The following KLHL1 variants were observed in gnomAD, a reference collection of about 807,000 sequenced individuals.
The protein encoded by KLHL1 is kelch like family member 1, also known as kelch-like protein 1.
Under a neutral mutation model 77.7 loss-of-function variants are expected in KLHL1, and 47 were observed. That is an observed-to-expected ratio of 0.60 (90% CI 0.48 to 0.77). KLHL1 has a LOEUF of 0.77. KLHL1 is among the 30% of genes least tolerant of loss of function. The pLI is 0.00. For missense variants in KLHL1, 925 were observed against 910.8 expected (o/e 1.02, Z -0.20); for synonymous variants, 360 against 325.2 (o/e 1.11, Z -1.15).
At chr13:69,897,252 T>C (rs933180385) in intron 4 of KLHL1, among the ~76,000 whole-genome samples, 7 of 152,144 alleles carry the variant, frequency 4.6e-5, no homozygotes, top group South Asian at 2.1e-4. Flanking sequence ...AAATTAGAAG[T>C]CTGACAAAAG....
intron 3 of KLHL1, among the ~76,000 whole-genome samples, chr13:69,952,848 A>T (rs1883753879): frequency 6.6e-6 from 1 of 151,380 alleles, no homozygotes; most frequent in African/African-American, 2.4e-5. Context: ...GGGTGAAATG[A>T]CAGGGTTGTT....
chr13:69,837,614 C>CTATATA (rs1555272466), intron 6 of KLHL1, among the ~76,000 whole-genome samples: 47 of 136,518 alleles, frequency 3.4e-4, no homozygotes, highest in African/African-American at 1.4e-3. Context: ...ATCTCTCTCT[C>CTATATA]TATATATATG....
At chr13:69,866,663 G>A (rs552229335) in intron 5 of KLHL1, among the ~76,000 whole-genome samples, 1 of 152,244 alleles carries the variant, frequency 6.6e-6, no homozygotes, top group South Asian at 2.1e-4. Flanking sequence ...ATTTCAAAAT[G>A]AGGATGTGGA....
At chr13:69,847,285 C>A (rs2113361) in intron 5 of KLHL1, among the ~76,000 whole-genome samples, 141,558 of 151,416 alleles carry the variant, frequency 0.93, 66,388 homozygotes, top group East Asian at 0.99. Context: ...AGACAACCTT[C>A]TAAAATATCA....
chr13:69,901,368 T>C lies in KLHL1; in HGVS notation c.1015-18873A>G, dbSNP rs1441749381. 2.6e-5 allele frequency among the ~76,000 whole-genome samples: 4 copies of C among 152,204 alleles called. No homozygotes were observed. In the East Asian group the frequency reaches 7.7e-4, roughly 29 times the overall value. On this transcript the variant is annotated intron_variant, in intron 4 of 10. Coordinates refer to ENST00000377844, the MANE Select transcript of KLHL1 (RefSeq NM_020866.3). Reference sequence around the variant, plus strand: ...CACTTAACTTTGTTTGTTGTGATAGTACTAAGGACTAGAGTAGGTAAATTA... The same window carrying C: ...CACTTAACTTTGTTTGTTGTGATAGCACTAAGGACTAGAGTAGGTAAATTA...
chr13:69,967,946 T>C (rs1241711709), intron 2 of KLHL1, among the ~76,000 whole-genome samples: 2 of 151,536 alleles, frequency 1.3e-5, no homozygotes, highest in Non-Finnish European at 2.9e-5. Flanking sequence ...AGAGCAGCAG[T>C]AGGGTTGAAG....
intron 5 of KLHL1, among the ~76,000 whole-genome samples, chr13:69,857,015 C>T (rs1308464671): frequency 1.3e-5 from 2 of 151,966 alleles, no homozygotes; most frequent in Non-Finnish European, 2.9e-5. Flanking sequence ...CTGAATAATA[C>T]CTTTAATGGC....
intron 7 of KLHL1, among the ~76,000 whole-genome samples, chr13:69,762,632 C>A (rs1411273440): frequency 3.3e-5 from 5 of 149,310 alleles, no homozygotes; most frequent in Non-Finnish European, 7.4e-5. Flanking sequence ...AACTGTGCAC[C>A]CATTGAAGAC....
At chr13:69,709,109 A>G (rs537304924) in intron 9 of KLHL1, among the ~76,000 whole-genome samples, 2 of 152,082 alleles carry the variant, frequency 1.3e-5, no homozygotes, top group East Asian at 3.9e-4. Flanking sequence ...GCGCTGGTCG[A>G]ATGCTAGAAA....
At chr13:69,936,241 G>C (rs1251826925) in intron 4 of KLHL1, among the ~76,000 whole-genome samples, 2 of 152,096 alleles carry the variant, frequency 1.3e-5, no homozygotes, top group African/African-American at 4.8e-5. Flanking sequence ...ATCTAACATT[G>C]AGGAAAAATG....
At chr13:69,888,353 A>T (rs1881295190) in intron 4 of KLHL1, among the ~76,000 whole-genome samples, 1 of 152,150 alleles carries the variant, frequency 6.6e-6, no homozygotes. Context: ...TTAACCCAAG[A>T]ATATGACCTT....
chr13:70,085,428 A>T (rs1860823167), intron 1 of KLHL1, among the ~76,000 whole-genome samples: 1 of 152,218 alleles, frequency 6.6e-6, no homozygotes, highest in South Asian at 2.1e-4. Flanking sequence ...TCTACCTTGA[A>T]AAAGAAACAT....
At chr13:70,014,618 T>C (rs1004768713) in intron 1 of KLHL1, among the ~76,000 whole-genome samples, 3 of 152,140 alleles carry the variant, frequency 2.0e-5, no homozygotes, top group African/African-American at 7.2e-5. Context: ...TCCATGCATG[T>C]ATAATGAAAA....
At chr13:69,840,901 A>G (rs543659371) in intron 5 of KLHL1, among the ~76,000 whole-genome samples, 1 of 151,718 alleles carries the variant, frequency 6.6e-6, no homozygotes, top group Non-Finnish European at 1.5e-5. Context: ...CTGTGTGTCA[A>G]ATATATAGTT....
intron 6 of KLHL1, among the ~76,000 whole-genome samples, chr13:69,837,204 A>G (rs1041267002): frequency 1.3e-5 from 2 of 151,784 alleles, no homozygotes; most frequent in East Asian, 3.9e-4. Flanking sequence ...TTTTTCATCT[A>G]GGTGTATATT....
intron 6 of KLHL1, among the ~76,000 whole-genome samples, chr13:69,824,395 T>C (rs564211404): frequency 1.3e-5 from 2 of 152,224 alleles, no homozygotes; most frequent in East Asian, 3.9e-4. Flanking sequence ...CTGATGTTTT[T>C]CATGAATATG....
At chr13:69,730,682 TCAC>T (rs1449212950) in intron 8 of KLHL1, among the ~76,000 whole-genome samples, 1 of 152,026 alleles carries the variant, frequency 6.6e-6, no homozygotes, top group African/African-American at 2.4e-5. Flanking sequence ...AGTAATCCTC[TCAC>T]CTCAGCCCCT....
chr13:69,925,814 T>G (rs760286964), intron 4 of KLHL1, among the ~76,000 whole-genome samples: 7 of 152,196 alleles, frequency 4.6e-5, no homozygotes, highest in Admixed American at 2.6e-4. Context: ...CTCTCATTCA[T>G]GAGATAAATA....
intron 1 of KLHL1, among the ~76,000 whole-genome samples, chr13:70,081,823 GTGT>G (rs1287217429): frequency 6.6e-6 from 1 of 152,146 alleles, no homozygotes; most frequent in Non-Finnish European, 1.5e-5. Context: ...TTTAAAATGT[GTGT>G]TGTTTTGAAC....
Sources: gnomAD v4.1 joint callset for allele counts (sites outside exome capture counted in the v4.1 genomes callset) on GRCh38, gnomAD v4.1.1 for gene constraint, MANE v1.5 for transcripts, NCBI Gene and HGNC (gene_info 2026-07-23, HGNC 2026-07-21) for gene names.